The following ZSWIM5 variants were observed in gnomAD, a reference collection of about 807,000 sequenced individuals.
ZSWIM5 encodes the protein zinc finger SWIM-type containing 5.
Under a neutral mutation model 119.6 loss-of-function variants are expected in ZSWIM5, and 55 were observed. The ratio of observed to expected loss-of-function variants is 0.46; its 90% CI spans 0.37 to 0.58. The LOEUF is 0.58. Ranked by LOEUF, ZSWIM5 falls within the 20% of genes least tolerant of loss-of-function variation. The pLI is 0.00. For missense variants in ZSWIM5, 1,193 were observed against 1,512.8 expected, an observed-to-expected ratio of 0.79 and a Z score of 3.51; for synonymous variants, 537 against 606.9, an observed-to-expected ratio of 0.88 and a Z score of 1.69.
chr1:45,050,380 C>T (rs1301006236), intron 5 of ZSWIM5, among the ~76,000 whole-genome samples: 2 of 151,990 alleles, frequency 1.3e-5, no homozygotes, highest in Admixed American at 1.3e-4. Flanking sequence ...ATAAAAGGAA[C>T]CAATTGTAAA....
At chr1:45,121,409 CCTT>C (rs1424813229) in intron 1 of ZSWIM5, among the ~76,000 whole-genome samples, 1 of 152,166 alleles carries the variant, frequency 6.6e-6, no homozygotes, top group Non-Finnish European at 1.5e-5. Context: ...ATCGCTGTCT[CCTT>C]TTATCCTCTC....
At chr1:45,074,309 A>G (rs1036900101) in intron 2 of ZSWIM5, among the ~76,000 whole-genome samples, 7 of 151,944 alleles carry the variant, frequency 4.6e-5, no homozygotes, top group African/African-American at 1.7e-4. Flanking sequence ...TAAGATTGGT[A>G]TTAATCCTTC....
At chr1:45,037,393 G>A (rs1644991997) in intron 8 of ZSWIM5, among the ~76,000 whole-genome samples, 1 of 152,222 alleles carries the variant, frequency 6.6e-6, no homozygotes, top group South Asian at 2.1e-4. Context: ...TTACAGGCGA[G>A]AGCCACTGCG....
intron 1 of ZSWIM5, among the ~76,000 whole-genome samples, chr1:45,175,941 T>A (rs1025345289): frequency 1.3e-5 from 2 of 151,888 alleles, no homozygotes; most frequent in Admixed American, 1.3e-4. Flanking sequence ...ACCTCCCTGC[T>A]TTCTGGCACA....
intron 8 of ZSWIM5, 105 bp from the exon 9 acceptor site, chr1:45,036,404 G>C: frequency 6.8e-7 from 1 of 1,460,820 alleles, no homozygotes; most frequent in Non-Finnish European, 9.1e-7. Context: ...GTCCAGGCTG[G>C]AGTACAGTGG....
At chr1:45,100,953 G>A (rs2149017409) in intron 1 of ZSWIM5, among the ~76,000 whole-genome samples, 1 of 152,200 alleles carries the variant, frequency 6.6e-6, no homozygotes, top group African/African-American at 2.4e-5. Context: ...AACCACAGAA[G>A]AAAACCTAGG....
At chr1:45,185,061 A>C (rs939482570) in intron 1 of ZSWIM5, among the ~76,000 whole-genome samples, 62 of 152,190 alleles carry the variant, frequency 4.1e-4, no homozygotes, top group African/African-American at 1.2e-3. Context: ...GATATAGATC[A>C]ATGGAACAGA....
intron 5 of ZSWIM5, among the ~76,000 whole-genome samples, chr1:45,049,603 G>A (rs1645078083): frequency 6.6e-6 from 1 of 152,070 alleles, no homozygotes; most frequent in Non-Finnish European, 1.5e-5. Flanking sequence ...CAGATCACTT[G>A]AGGAGTTTGA....
intron 1 of ZSWIM5, among the ~76,000 whole-genome samples, chr1:45,138,902 T>G (rs545717295): frequency 3.3e-5 from 5 of 151,552 alleles, no homozygotes; most frequent in African/African-American, 1.2e-4. Flanking sequence ...TTCTTTTTTT[T>G]TTTTTTTGAG....
At chr1:45,044,832 TATAA>T (rs796167235) in intron 5 of ZSWIM5, among the ~76,000 whole-genome samples, 554 of 11,246 alleles carry the variant, frequency 0.049, 198 homozygotes, top group East Asian at 0.46. Context: ...AATATATATA[TATAA>T]ATATATATAT....
rs760486996 is a variant in ZSWIM5 at position 45,205,967 on chromosome 1, G to A, written c.384C>T (p.Gly128=). Residue 128 remains glycine, a synonymous_variant, in exon 1 of 14, where the codon GGC becomes GGT. Coordinates refer to ENST00000359600, the MANE Select transcript of ZSWIM5 (RefSeq NM_020883.2). ...RGGPGAGAAG[G]AAGASPAEEG... is the part of the protein sequence containing the mutation. ...CCTCGGCCGGCGAAGCCCCCGCGGCGCCGCCAGCAGCGCCGGCGCCGGGGC... is the reference window on the plus strand; with the variant it reads ...CCTCGGCCGGCGAAGCCCCCGCGGCACCGCCAGCAGCGCCGGCGCCGGGGC... The A allele has an allele frequency of 3.0e-5, 41 of 1,361,196 alleles. 1 individual carries two copies. The highest frequency in any genetic ancestry group is 2.9e-4 in the African/African-American group (19 of 65,668). 84.3% of individuals were successfully genotyped at this position (1,361,196 alleles called of 1,614,324 possible).
chr1:45,174,261 G>A (rs1335750053), intron 1 of ZSWIM5, among the ~76,000 whole-genome samples: 1 of 151,920 alleles, frequency 6.6e-6, no homozygotes. Flanking sequence ...GTGAGAAAGC[G>A]AGACCTTGTC....
At chr1:45,119,637 TTC>T (rs1330280826) in intron 1 of ZSWIM5, among the ~76,000 whole-genome samples, 1 of 152,198 alleles carries the variant, frequency 6.6e-6, no homozygotes, top group Non-Finnish European at 1.5e-5. Context: ...CAATCTCAGT[TTC>T]TCTGAGAAAC....
At chr1:45,089,024 A>G (rs192754864) in intron 1 of ZSWIM5, among the ~76,000 whole-genome samples, 2 of 152,202 alleles carry the variant, frequency 1.3e-5, no homozygotes, top group East Asian at 3.9e-4. Context: ...CAGTGGTGCA[A>G]TCTTGGCTCA....
At chr1:45,151,514 G>A (rs1645796853) in intron 1 of ZSWIM5, among the ~76,000 whole-genome samples, 1 of 151,882 alleles carries the variant, frequency 6.6e-6, no homozygotes. Flanking sequence ...AGGATTATAA[G>A]GAAAGAGAAG....
Position 45,018,363 on chromosome 1 carries a change from C to G in ZSWIM5, c.*91G>C, listed in dbSNP as rs1644867475. The G allele has an allele frequency of 6.6e-7, 1 of 1,509,742 alleles. No homozygotes were observed. Among genetic ancestry groups the G allele is most frequent in the Non-Finnish European group, 8.9e-7 (1 of 1,117,802 alleles). The allele number at this position is 1,509,742 out of a possible 1,614,324, so 93.5% of individuals were successfully genotyped here. A position where few individuals can be genotyped will look rare whatever the true frequency, so the allele number is the denominator to read the frequency against. ...GCCTCATCCACAGGTGCTCAGAGTT[C>G]TCTCAGGGTGGACAAATGTTTCAGT... On this transcript the variant is annotated 3_prime_UTR_variant, in exon 14 of 14. Coordinates refer to ENST00000359600, the MANE Select transcript of ZSWIM5 (RefSeq NM_020883.2). This position sits in a 1 kb window ranked among gnomAD's most constrained non-coding sequence, Gnocchi z 6.7.
At chr1:45,142,894 G>A (rs1645735621) in intron 1 of ZSWIM5, among the ~76,000 whole-genome samples, 1 of 151,518 alleles carries the variant, frequency 6.6e-6, no homozygotes, top group Admixed American at 6.6e-5. Context: ...TAGACTGCTG[G>A]ACATGGTGGC....
intron 1 of ZSWIM5, among the ~76,000 whole-genome samples, chr1:45,114,330 G>A (rs1223960117): frequency 1.3e-5 from 2 of 151,994 alleles, no homozygotes; most frequent in Non-Finnish European, 2.9e-5. Flanking sequence ...AAGCTAGTAT[G>A]GTTATATTAA....
intron 1 of ZSWIM5, among the ~76,000 whole-genome samples, chr1:45,183,432 A>C (rs1482817878): frequency 6.6e-6 from 1 of 152,178 alleles, no homozygotes; most frequent in Non-Finnish European, 1.5e-5. Flanking sequence ...GACCAAAAAA[A>C]CCCTTCAAAA....
Sources: gnomAD v4.1 joint callset for allele counts (sites outside exome capture counted in the v4.1 genomes callset) on GRCh38, gnomAD v4.1.1 for gene constraint, Gnocchi (gnomAD v3.1) non-coding constraint, MANE v1.5 for transcripts, NCBI Gene and HGNC (gene_info 2026-07-23, HGNC 2026-07-21) for gene names.